The following SPAG16 variants were observed in gnomAD, a reference collection of about 807,000 sequenced individuals.
SPAG16 encodes sperm associated antigen 16, also known as sperm-associated antigen 16 protein.
In SPAG16, 86 loss-of-function variants were observed where a neutral mutation model predicts 80.4. That is an observed-to-expected ratio of 1.07 (90% CI 0.90 to 1.28). The LOEUF is 1.28. Ranked by LOEUF, SPAG16 falls within the 50% of genes most tolerant of loss-of-function variation. The probability of loss-of-function intolerance (pLI) is 0.00; values close to 1 mark genes in which losing one functional copy is unlikely to be tolerated. For missense variants in SPAG16, 870 were observed against 765.3 expected (o/e 1.14, Z -1.61); for synonymous variants, 294 against 265.9 (o/e 1.11, Z -1.03).
chr2:213,614,503 C>T (rs529733787), intron 10 of SPAG16, among the ~76,000 whole-genome samples: 1 of 152,150 alleles, frequency 6.6e-6, no homozygotes, highest in Non-Finnish European at 1.5e-5. Context: ...GATACCTGGC[C>T]CTTTTGGCTA....
At chr2:214,310,942 C>T (rs558891673) in intron 15 of SPAG16, among the ~76,000 whole-genome samples, 81 of 152,322 alleles carry the variant, frequency 5.3e-4, no homozygotes. Flanking sequence ...GTTCTATGTA[C>T]AAGCCTAAGC....
intron 10 of SPAG16, among the ~76,000 whole-genome samples, chr2:213,683,977 G>C (rs935179747): frequency 4.6e-5 from 7 of 152,172 alleles, no homozygotes; most frequent in Non-Finnish European, 7.4e-5. Flanking sequence ...GTTTTGTGTA[G>C]TTTTGTAAGT....
chr2:213,950,849 C>T (rs2079732618), intron 12 of SPAG16, among the ~76,000 whole-genome samples: 1 of 151,600 alleles, frequency 6.6e-6, no homozygotes, highest in African/African-American at 2.4e-5. Context: ...GCTGGGACCA[C>T]AGGCTTGTGC....
At chr2:213,638,384 TACTA>T (rs766874162) in intron 10 of SPAG16, among the ~76,000 whole-genome samples, 20 of 152,144 alleles carry the variant, frequency 1.3e-4, no homozygotes, top group Middle Eastern at 3.2e-3. Flanking sequence ...CATTTAATGC[TACTA>T]ACTATTTTCT....
At chr2:213,831,093 G>A (rs1240038111) in intron 10 of SPAG16, among the ~76,000 whole-genome samples, 1 of 135,758 alleles carries the variant, frequency 7.4e-6, no homozygotes, top group East Asian at 2.2e-4. Context: ...AGGTTGGAGT[G>A]CAGTGGCCCA....
chr2:214,172,096 A>G (rs1315475344), intron 15 of SPAG16, among the ~76,000 whole-genome samples: 2 of 151,246 alleles, frequency 1.3e-5, no homozygotes, highest in African/African-American at 4.9e-5. Flanking sequence ...TTTTTTTTTA[A>G]ATTTTATTAT....
chr2:213,844,119 A>G (rs1481983925), intron 10 of SPAG16, among the ~76,000 whole-genome samples: 1 of 152,176 alleles, frequency 6.6e-6, no homozygotes, highest in Non-Finnish European at 1.5e-5. Context: ...TTGTCAGAGG[A>G]CAGAGGGTTA....
At chr2:213,722,155 T>C (rs201545120) in intron 10 of SPAG16, among the ~76,000 whole-genome samples, 2 of 152,052 alleles carry the variant, frequency 1.3e-5, no homozygotes. Context: ...TTATAAAGAA[T>C]TAAAAATGGG....
chr2:213,426,754 G>GGT (rs148203065), intron 9 of SPAG16, among the ~76,000 whole-genome samples: 7,357 of 140,554 alleles, frequency 0.052, 261 homozygotes, highest in Middle Eastern at 0.083. Context: ...GCATAAATCT[G>GGT]GTGTGTGTGT....
At chr2:214,316,774 C>T (rs1215301841) in intron 15 of SPAG16, among the ~76,000 whole-genome samples, 3 of 152,126 alleles carry the variant, frequency 2.0e-5, no homozygotes, top group African/African-American at 7.2e-5. Flanking sequence ...TATAAATCCT[C>T]ATATTCTCAC....
chr2:213,397,234 G>T (rs989308580), intron 9 of SPAG16, among the ~76,000 whole-genome samples: 4 of 152,142 alleles, frequency 2.6e-5, no homozygotes, highest in Non-Finnish European at 5.9e-5. Flanking sequence ...CCTGGGACTT[G>T]ATGTCCACAC....
chr2:213,735,794 T>A (rs932775082), intron 10 of SPAG16, among the ~76,000 whole-genome samples: 5 of 152,196 alleles, frequency 3.3e-5, no homozygotes, highest in African/African-American at 4.8e-5. Context: ...GCCATGGCAG[T>A]TATTTCATAG....
intron 11 of SPAG16, among the ~76,000 whole-genome samples, chr2:213,876,626 T>C (rs1427358): frequency 0.93 from 141,304 of 152,204 alleles, 66,522 homozygotes; most frequent in East Asian, 1. Context: ...AAAGAGAAAT[T>C]AATAAGAAAG....
At position 213,657,587 on chromosome 2, in the gene SPAG16, G is replaced by C. The variant is rs1044532464; in HGVS notation, c.1070+167497G>C. 3.9e-5 allele frequency among the ~76,000 whole-genome samples: 6 copies of C among 152,038 alleles called. No individual in the cohort carries two copies. The South Asian group carries it at 6.2e-4, about 16-fold the overall frequency. ...ATTTTTATGTTTTTATGAAAGTTTT[G>C]GGTGCTTATAGCAACTTTTGAATTC... On this transcript the variant is annotated intron_variant, in intron 10 of 15. Coordinates refer to ENST00000331683, the MANE Select transcript of SPAG16 (RefSeq NM_024532.5).
chr2:214,232,487 C>T (rs1433257116), intron 15 of SPAG16, among the ~76,000 whole-genome samples: 1 of 151,878 alleles, frequency 6.6e-6, no homozygotes, highest in Non-Finnish European at 1.5e-5. Context: ...TATGGAAGAA[C>T]TTTGGAGAAT....
At chr2:213,966,861 C>G (rs1033207230) in intron 12 of SPAG16, among the ~76,000 whole-genome samples, 13 of 152,162 alleles carry the variant, frequency 8.5e-5, no homozygotes, top group African/African-American at 3.1e-4. Context: ...CTACTCCAGT[C>G]ACCTTTGTTC....
intron 5 of SPAG16, among the ~76,000 whole-genome samples, chr2:213,326,318 T>G (rs2063837463): frequency 6.6e-6 from 1 of 152,058 alleles, no homozygotes; most frequent in South Asian, 2.1e-4. Flanking sequence ...TTTCAAAATT[T>G]ACTTCTATAA....
chr2:213,609,356 A>G (rs1449545585), intron 10 of SPAG16, among the ~76,000 whole-genome samples: 1 of 152,210 alleles, frequency 6.6e-6, no homozygotes, highest in Non-Finnish European at 1.5e-5. Context: ...CTGTACATCT[A>G]AAATTCTGTT....
chr2:213,522,614 G>A (rs1005757782), intron 10 of SPAG16, among the ~76,000 whole-genome samples: 1 of 152,158 alleles, frequency 6.6e-6, no homozygotes, highest in Non-Finnish European at 1.5e-5. Flanking sequence ...AGGTGAAGAA[G>A]CTGACAGCTG....
Sources: allele counts gnomAD v4.1 joint callset (sites outside exome capture counted in the v4.1 genomes callset), GRCh38; gene constraint gnomAD v4.1.1; transcripts MANE v1.5; gene names NCBI Gene and HGNC (gene_info 2026-07-23, HGNC 2026-07-21).